Variants in ZC3H7A observed in about 807,000 individuals in gnomAD.
ZC3H7A encodes zinc finger CCCH-type containing 7A.
A neutral mutation model predicts 125.5 loss-of-function variants in ZC3H7A; 44 were observed. That is an observed-to-expected ratio of 0.35 (90% CI 0.28 to 0.45). The LOEUF (loss-of-function observed/expected upper bound fraction) is 0.45. Ranked by LOEUF, ZC3H7A falls within the 20% of genes least tolerant of loss-of-function variation. The pLI is 1.00. For missense variants in ZC3H7A, 977 were observed against 1,170.7 expected, an observed-to-expected ratio of 0.83 and a Z score of 2.41; for synonymous variants, 399 against 391.2, an observed-to-expected ratio of 1.02 and a Z score of -0.23.
rs191387507 is a variant in ZC3H7A, at chr16:11,764,211, G to A, written c.1821-552C>T. Among the ~76,000 whole-genome samples the A allele has an allele frequency of 7.8e-3, 1,193 of 152,078 alleles. 18 individuals carry two copies. Among genetic ancestry groups the A allele is most frequent in the African/African-American group, 0.027 (1,127 of 41,464 alleles). The stretch of plus-strand genomic sequence containing the variant: ...GTGGATCACCTGAGGTCAAGAGTTC[G>A]AAACCAGCCTGGCCAACATGTTGAA... On this transcript the variant is annotated intron_variant, in intron 15 of 22. Transcript: ENST00000355758.
At chr16:11,758,690 C>G in intron 19 of ZC3H7A, 151 bp from the exon 20 acceptor site, 1 of 608,170 alleles carries the variant, frequency 1.6e-6, no homozygotes, top group Non-Finnish European at 2.9e-6. Context: ...CTCAAATTAA[C>G]TATATGCTCT....
intron 1 of ZC3H7A, among the ~76,000 whole-genome samples, chr16:11,788,463 T>A (rs2053292904): frequency 6.6e-6 from 1 of 152,162 alleles, no homozygotes; most frequent in Non-Finnish European, 1.5e-5. Flanking sequence ...ACTGTTCATT[T>A]TAACATGACA....
At chr16:11,775,087 C>A in intron 7 of ZC3H7A, 74 bp from the exon 8 acceptor site, 2 of 1,545,482 alleles carry the variant, frequency 1.3e-6, no homozygotes, top group South Asian at 2.2e-5. Context: ...TAAAACTCAC[C>A]CTAGGCCGGG....
intron 1 of ZC3H7A, among the ~76,000 whole-genome samples, chr16:11,784,794 C>A (rs1378435829): frequency 6.9e-6 from 1 of 144,674 alleles, no homozygotes; most frequent in Non-Finnish European, 1.5e-5. Flanking sequence ...GCGGAGGTTG[C>A]AGTGAGCCAA....
At chr16:11,786,053 A>G (rs1353678748) in intron 1 of ZC3H7A, among the ~76,000 whole-genome samples, 1 of 152,202 alleles carries the variant, frequency 6.6e-6, no homozygotes, top group Non-Finnish European at 1.5e-5. Context: ...GGGTAGGACG[A>G]GGTCTTTTCA....
At chr16:11,761,842 G>A in intron 18 of ZC3H7A, 68 bp downstream of exon 18, 1 of 1,577,044 alleles carries the variant, frequency 6.3e-7, no homozygotes, top group Non-Finnish European at 8.6e-7. Flanking sequence ...TTTTGCTTAT[G>A]TGTATAATTT....
rs1369292396 is a variant in ZC3H7A, at chr16:11,774,981, T to G, written c.618A>C (p.Pro206=). 6.2e-6 allele frequency: 10 copies of G among 1,614,078 alleles called. No individual in the cohort carries two copies. The highest frequency in any genetic ancestry group is 8.5e-6 in the Non-Finnish European group (10 of 1,180,020). ...TTAAGATGATATGTGAAAACATACC[T>G]GGCTCAATATCTTCCACAGAATGGT... ...ALNHSVEDIE[P]DLLTPRQEAV... is the part of the protein sequence containing the mutation. The change falls in exon 8 of 23, where the codon CCA becomes CCC. Residue 206 remains proline (P), a splice_region_variant and synonymous_variant. Transcript: ENST00000355758.
chr16:11,754,893 CA>C (rs35345665), intron 21 of ZC3H7A, among the ~76,000 whole-genome samples: 31,234 of 69,340 alleles, frequency 0.45, 4,507 homozygotes, highest in East Asian at 0.62. Flanking sequence ...CTCCGTCTCA[CA>C]AAAAAAAAAA....
intron 7 of ZC3H7A, among the ~76,000 whole-genome samples, chr16:11,776,093 G>A (rs2053075393): frequency 6.6e-6 from 1 of 152,070 alleles, no homozygotes; most frequent in South Asian, 2.1e-4. Flanking sequence ...CCCAGGAGGT[G>A]GAGGTTGCAG....
rs2053457533 is a variant in ZC3H7A at position 11,797,205 on chromosome 16, G to A, written c.-116C>T. On this transcript the variant is annotated 5_prime_UTR_variant, in exon 1 of 23. Transcript: ENST00000355758. ...GGCGGGCAGCGGTGGCGGCGGCGGC[G>A]GCGGGGCCTGGGTGCTCGCTCGCAG... The A allele has an allele frequency of 6.4e-6, 1 of 155,176 alleles. No homozygotes were observed. Among genetic ancestry groups the A allele is most frequent in the Non-Finnish European group, 1.4e-5 (1 of 71,620 alleles). 9.6% of individuals were successfully genotyped at this position (155,176 alleles called of 1,614,324 possible).
chr16:11,755,528 G>A (rs1298298866), intron 21 of ZC3H7A, among the ~76,000 whole-genome samples: 3 of 152,104 alleles, frequency 2.0e-5, no homozygotes, highest in African/African-American at 4.8e-5. Context: ...AGGCGTAAGC[G>A]GGGAATGTAA....
intron 19 of ZC3H7A, among the ~76,000 whole-genome samples, chr16:11,760,073 G>A (rs544514513): frequency 6.9e-5 from 10 of 145,422 alleles, no homozygotes; most frequent in Admixed American, 2.8e-4. Flanking sequence ...TGCGGTGAGC[G>A]GAGATCGCAA....
In ZC3H7A at chr16:11,765,477, T is replaced by C. The variant is rs1378285098; in HGVS notation, c.1719+12A>G. The C allele has an allele frequency of 4.4e-6, 7 of 1,601,568 alleles. No individual in the cohort carries two copies. Among genetic ancestry groups the C allele is most frequent in the East Asian group, 4.5e-5 (2 of 44,480 alleles). The stretch of plus-strand genomic sequence containing the variant: ...CAACTTTACAGTGGAAAATAAGTTT[T>C]GGAGAACACACCTCACAAAGGAATA... On this transcript the variant is annotated intron_variant, in intron 14 of 22. Coordinates refer to ENST00000355758, the MANE Select transcript of ZC3H7A (RefSeq NM_014153.4). The surrounding 1 kb of genome is among the most constrained non-coding windows in gnomAD (Gnocchi z 4.8).
intron 21 of ZC3H7A, 44 bp from the exon 22 acceptor site, chr16:11,752,876 G>A (rs761698759): frequency 9.4e-6 from 15 of 1,588,444 alleles, no homozygotes; most frequent in Non-Finnish European, 1.3e-5. Context: ...CACCTGATGT[G>A]AGATCCAGAC....
At chr16:11,776,603 G>C in intron 5 of ZC3H7A, 71 bp from the exon 6 acceptor site, 1 of 1,506,294 alleles carries the variant, frequency 6.6e-7, no homozygotes, top group Non-Finnish European at 8.9e-7. Context: ...GACAAAACAG[G>C]GAAGTTTCCC....
chr16:11,768,177 T>A (rs2052894691), intron 12 of ZC3H7A, 138 bp downstream of exon 12: 1 of 835,828 alleles, frequency 1.2e-6, no homozygotes, highest in South Asian at 4.5e-5. Flanking sequence ...TAACTGCTAC[T>A]TGTTTAGGAA....
intron 13 of ZC3H7A, 75 bp downstream of exon 13, chr16:11,767,342 C>CT (rs2052877692): frequency 2.6e-6 from 3 of 1,145,694 alleles, no homozygotes; most frequent in Non-Finnish European, 3.5e-6. Flanking sequence ...CACAATGTAT[C>CT]CTGTCATTAA....
chr16:11,774,689 C>T (rs749770229), intron 8 of ZC3H7A, among the ~76,000 whole-genome samples, 170 bp from the exon 9 acceptor site: 1 of 152,094 alleles, frequency 6.6e-6, no homozygotes, highest in Admixed American at 6.5e-5. Flanking sequence ...CGTGTGAAAA[C>T]TTATCCTTCT....
intron 10 of ZC3H7A, 140 bp downstream of exon 10, chr16:11,770,642 AG>A: frequency 1.2e-6 from 1 of 852,554 alleles, no homozygotes; most frequent in South Asian, 1.9e-5. Context: ...TCAAAACTGA[AG>A]GCTTAGTCTT....
Sources: allele counts gnomAD v4.1 joint callset (sites outside exome capture counted in the v4.1 genomes callset), GRCh38; gene constraint gnomAD v4.1.1; non-coding constraint Gnocchi (gnomAD v3.1); transcripts MANE v1.5; gene names NCBI Gene and HGNC (gene_info 2026-07-23, HGNC 2026-07-21).